Variants in ZC3H12B observed in about 807,000 individuals in gnomAD.
The protein encoded by ZC3H12B is probable ribonuclease ZC3H12B.
A neutral mutation model predicts 43.9 loss-of-function variants in ZC3H12B; 7 were observed. The ratio of observed to expected loss-of-function variants is 0.16; its 90% CI spans 0.09 to 0.30. ZC3H12B has a LOEUF of 0.30. Among genes scored for constraint, ZC3H12B ranks in the 10% least tolerant of loss-of-function variants. The pLI is 1.00. For missense variants in ZC3H12B, 475 were observed against 670.2 expected (o/e 0.71, Z 3.22); for synonymous variants, 222 against 241.7 (o/e 0.92, Z 0.76).
chrX:65,185,698 A>C, the ZC3H12B span: 1 of 111,901 alleles, frequency 8.9e-6, no homozygotes, highest in Non-Finnish European at 1.9e-5. Context: ...AGCAGCATCT[A>C]ATAGTAGAGT....
At chrX:65,188,358 A>ATTT in the ZC3H12B span, among the ~76,000 whole-genome samples, 14 of 75,821 alleles carry the variant, frequency 1.8e-4, no homozygotes, top group Non-Finnish European at 3.1e-4. Flanking sequence ...TGGTTGCTCT[A>ATTT]TTTTTTTTTT....
the ZC3H12B span, among the ~76,000 whole-genome samples, chrX:65,336,832 G>T: frequency 2.7e-5 from 3 of 112,365 alleles, no homozygotes; most frequent in African/African-American, 9.7e-5. Flanking sequence ...TTGGGAAGAA[G>T]CAAAGCTCCC....
At chrX:65,138,125 T>A in the ZC3H12B span, among the ~76,000 whole-genome samples, 1 of 112,644 alleles carries the variant, frequency 8.9e-6, no homozygotes, top group Non-Finnish European at 1.9e-5. Flanking sequence ...CCACCATTTT[T>A]AAGAATACAA....
intron 2 of ZC3H12B, among the ~76,000 whole-genome samples, chrX:65,389,253 G>A (rs1280172895): frequency 8.9e-6 from 1 of 112,368 alleles, no homozygotes; most frequent in Non-Finnish European, 1.9e-5. Context: ...ACAGAGTCAG[G>A]CAGGCCTTCT....
At chrX:65,230,395 G>A in the ZC3H12B span, among the ~76,000 whole-genome samples, 19 of 108,802 alleles carry the variant, frequency 1.7e-4, no homozygotes, top group Non-Finnish European at 3.2e-4. Flanking sequence ...GGGATGGGGG[G>A]AAGGGGGAGG....
At chrX:65,284,758 T>A in the ZC3H12B span, among the ~76,000 whole-genome samples, 1 of 106,301 alleles carries the variant, frequency 9.4e-6, no homozygotes, top group African/African-American at 3.4e-5. Flanking sequence ...TGAAACTCCA[T>A]CTCAAAAAAA....
At chrX:65,154,472 C>T in the ZC3H12B span, among the ~76,000 whole-genome samples, 1 of 111,687 alleles carries the variant, frequency 9.0e-6, no homozygotes, top group Non-Finnish European at 1.9e-5. Context: ...AATAATTTGT[C>T]AATAATTTGG....
At chrX:65,198,180 A>G in the ZC3H12B span, among the ~76,000 whole-genome samples, 1 of 112,041 alleles carries the variant, frequency 8.9e-6, no homozygotes, top group Non-Finnish European at 1.9e-5. Context: ...GGCTGGCAAA[A>G]CAAATTATCC....
At chrX:65,227,646 AAAG>A in the ZC3H12B span, among the ~76,000 whole-genome samples, 11 of 111,676 alleles carry the variant, frequency 9.8e-5, no homozygotes, top group African/African-American at 6.5e-5. Context: ...CAAGACTAAT[AAAG>A]AAGAAAAGAG....
At chrX:65,213,388 T>C in the ZC3H12B span, among the ~76,000 whole-genome samples, 1 of 111,428 alleles carries the variant, frequency 9.0e-6, no homozygotes, top group Non-Finnish European at 1.9e-5. Flanking sequence ...CAATACTCTG[T>C]GAAAATTTCT....
chrX:65,345,971 AC>A, the ZC3H12B span, among the ~76,000 whole-genome samples: 3 of 111,802 alleles, frequency 2.7e-5, no homozygotes, highest in Non-Finnish European at 5.6e-5. Flanking sequence ...ATTATTGATG[AC>A]AAAAACAAAT....
At chrX:65,247,380 T>C in the ZC3H12B span, among the ~76,000 whole-genome samples, 4 of 112,109 alleles carry the variant, frequency 3.6e-5, no homozygotes, top group Admixed American at 3.8e-4. Flanking sequence ...AGCAATTCCA[T>C]TACTGGGTAT....
chrX:65,047,255 A>G, the ZC3H12B span, among the ~76,000 whole-genome samples: 1 of 111,507 alleles, frequency 9.0e-6, no homozygotes, highest in Admixed American at 9.5e-5. Context: ...ACCCCTGCAT[A>G]TTATTTTTGA....
At chrX:65,314,152 A>G in the ZC3H12B span, among the ~76,000 whole-genome samples, 2 of 111,262 alleles carry the variant, frequency 1.8e-5, no homozygotes, top group African/African-American at 6.5e-5. Flanking sequence ...TTAAATCTAG[A>G]TACTCAGGGA....
chrX:65,129,455 G>C, the ZC3H12B span, among the ~76,000 whole-genome samples: 8 of 109,197 alleles, frequency 7.3e-5, no homozygotes, highest in Non-Finnish European at 1.5e-4. Flanking sequence ...GTAGGTAATG[G>C]AAAATTACAG....
chrX:65,064,444 C>T, the ZC3H12B span, among the ~76,000 whole-genome samples: 1 of 112,120 alleles, frequency 8.9e-6, no homozygotes, highest in Non-Finnish European at 1.9e-5. Flanking sequence ...TGTTCAGTTT[C>T]CATGTAGTTG....
At chrX:65,500,520 C>T (rs1182674334) in intron 4 of ZC3H12B, among the ~76,000 whole-genome samples, 2 of 111,557 alleles carry the variant, frequency 1.8e-5, no homozygotes, top group East Asian at 2.8e-4. Context: ...CTCCGCTTCC[C>T]GGGTTTAAGC....
the ZC3H12B span, among the ~76,000 whole-genome samples, chrX:65,094,165 A>G: frequency 3.6e-5 from 4 of 109,670 alleles, no homozygotes; most frequent in Admixed American, 9.8e-5. Flanking sequence ...GCCTTCCACC[A>G]TGATTGTAAC....
At chrX:65,321,301 A>C in the ZC3H12B span, among the ~76,000 whole-genome samples, 2 of 112,279 alleles carry the variant, frequency 1.8e-5, no homozygotes, top group African/African-American at 6.5e-5. Context: ...AAAACGAAAA[A>C]TCTCAGCATC....
Sources: allele counts gnomAD v4.1 joint callset (sites outside exome capture counted in the v4.1 genomes callset), GRCh38; gene constraint gnomAD v4.1.1; transcripts MANE v1.5; gene names NCBI Gene and HGNC (gene_info 2026-07-23, HGNC 2026-07-21).